ACTN2: variants seen among roughly 807,000 people sequenced by gnomAD.
The protein encoded by ACTN2 is alpha-actinin-2.
A neutral mutation model predicts 113.8 loss-of-function variants in ACTN2; 39 were observed. That is an observed-to-expected ratio of 0.34 (90% confidence interval 0.27 to 0.45). The LOEUF (loss-of-function observed/expected upper bound fraction) is 0.45, where lower values mean the gene tolerates loss of function less well. ACTN2 is among the 20% of genes least tolerant of loss of function. The pLI is 1.00. For synonymous variants in ACTN2, 429 were observed against 444.1 expected, an observed-to-expected ratio of 0.97 and a Z score of 0.43; for missense variants, 992 against 1,177.9, an observed-to-expected ratio of 0.84 and a Z score of 2.31.
chr1:236,687,292 G>A (rs1665909185), intron 1 of ACTN2, among the ~76,000 whole-genome samples: 1 of 152,186 alleles, frequency 6.6e-6, no homozygotes, highest in Non-Finnish European at 1.5e-5. Context: ...GAGGGATGTT[G>A]TATGAACACT....
chr1:236,738,940 T>TGG (rs1289133353), intron 9 of ACTN2, among the ~76,000 whole-genome samples: 2 of 152,246 alleles, frequency 1.3e-5, no homozygotes, highest in Non-Finnish European at 2.9e-5. Flanking sequence ...AGTTCTGCCA[T>TGG]GTCAAGTATT....
intron 10 of ACTN2, 27 bp downstream of exon 10, chr1:236,739,559 G>T: frequency 6.2e-7 from 1 of 1,611,332 alleles, no homozygotes; most frequent in South Asian, 1.1e-5. Flanking sequence ...AAGCCCTCCT[G>T]GCGCCACGGG....
Position 236,751,539 on chromosome 1 carries a change from A to G in ACTN2, c.1726A>G (p.Met576Val), listed in dbSNP as rs764719024. ...PEADGERQSI[M>V]AIQNEVEKVI... ...GGCGGACGGAGAGCGGCAGTCCATC[A>G]TGGCCATCCAGAACGAGGTGGAGAA... The change falls in exon 15 of 21, where the codon ATG becomes GTG. Residue 576 changes from methionine (M) to valine (V), a missense_variant. Coordinates refer to ENST00000366578, the MANE Select transcript of ACTN2 (RefSeq NM_001103.4). The G allele has an allele frequency of 7.4e-6, 12 of 1,614,016 alleles. No individual in the cohort carries two copies. Among genetic ancestry groups the G allele is most frequent in the Non-Finnish European group, 1.0e-5 (12 of 1,180,018 alleles).
At chr1:236,719,529 T>A (rs760151627) in intron 3 of ACTN2, among the ~76,000 whole-genome samples, 2 of 152,352 alleles carry the variant, frequency 1.3e-5, no homozygotes, top group African/African-American at 2.4e-5. Flanking sequence ...CAGTGGCTCA[T>A]GCTCATCCCA....
At chr1:236,745,331 G>A (rs941353739) in intron 12 of ACTN2, among the ~76,000 whole-genome samples, 54 of 152,208 alleles carry the variant, frequency 3.5e-4, no homozygotes, top group African/African-American at 1.3e-3. Context: ...CTGCTCGGGA[G>A]GCTGAGGCAG....
chr1:236,734,782 C>G (rs1170508137), intron 7 of ACTN2, among the ~76,000 whole-genome samples: 2 of 152,180 alleles, frequency 1.3e-5, no homozygotes, highest in African/African-American at 2.4e-5. Context: ...CTCTGCAAAC[C>G]CAATGACTAG....
chr1:236,710,773 T>C (rs562640535), intron 1 of ACTN2, among the ~76,000 whole-genome samples: 6 of 152,290 alleles, frequency 3.9e-5, no homozygotes, highest in African/African-American at 1.4e-4. Context: ...CAGATTCTCA[T>C]AGGAGTGCAA....
intron 15 of ACTN2, among the ~76,000 whole-genome samples, chr1:236,753,619 A>C (rs1394623176): frequency 6.6e-6 from 1 of 152,124 alleles, no homozygotes; most frequent in Non-Finnish European, 1.5e-5. Flanking sequence ...GCCCTGACTT[A>C]GTTGTGCAGC....
chr1:236,694,786 C>G (rs551148661), intron 1 of ACTN2, among the ~76,000 whole-genome samples: 18 of 152,026 alleles, frequency 1.2e-4, no homozygotes, highest in Admixed American at 3.3e-4. Flanking sequence ...CTGTCGAGGC[C>G]GGGTGTGGTG....
chr1:236,743,090 G>C (rs1357988480), intron 11 of ACTN2, 47 bp downstream of exon 11: 1 of 1,609,046 alleles, frequency 6.2e-7, no homozygotes, highest in South Asian at 1.1e-5. Flanking sequence ...CCAGAGTTGA[G>C]CCATGCCCAG....
At chr1:236,695,963 T>G (rs556900553) in intron 1 of ACTN2, among the ~76,000 whole-genome samples, 7 of 152,334 alleles carry the variant, frequency 4.6e-5, no homozygotes, top group Admixed American at 1.3e-4. Flanking sequence ...AGAAAAGACC[T>G]ATATTTTATT....
At chr1:236,760,227 C>A (rs1226279524) in intron 19 of ACTN2, among the ~76,000 whole-genome samples, 1 of 149,554 alleles carries the variant, frequency 6.7e-6, no homozygotes, top group Non-Finnish European at 1.5e-5. Flanking sequence ...GCCTAGATGA[C>A]AAGAGTGAAA....
In ACTN2 at chr1:236,744,755, C is replaced by T; in HGVS notation, c.1385C>T (p.Ala462Val). The T allele has an allele frequency of 6.2e-7, 1 of 1,614,144 alleles. No homozygotes were observed. Among genetic ancestry groups the T allele is most frequent in the Non-Finnish European group, 8.5e-7 (1 of 1,180,008 alleles). ...AAHQDRVEQI[A>V]AIAQELNELD... is the part of the protein sequence containing the mutation. ...CACCAGGACCGCGTGGAGCAGATCG[C>T]AGCCATCGCGCAGGAGCTCAAGTAT... The change falls in exon 12 of 21, where the codon GCA (alanine) becomes GTA (valine). Residue 462 changes from alanine (A) to valine (V), a missense_variant. Around this residue, in one of 3 missense-constraint regions of ACTN2, gnomAD observed 736 missense variants for 815.4 expected, o/e 0.90. Transcript: ENST00000366578.
chr1:236,715,234 G>T (rs1658150661), intron 1 of ACTN2, among the ~76,000 whole-genome samples: 2 of 150,198 alleles, frequency 1.3e-5, no homozygotes, highest in Middle Eastern at 3.4e-3. Flanking sequence ...GTATACATGT[G>T]CCATGTTGGT....
At chr1:236,750,955 G>A (rs1311241200) in intron 14 of ACTN2, among the ~76,000 whole-genome samples, 1 of 151,886 alleles carries the variant, frequency 6.6e-6, no homozygotes, top group Non-Finnish European at 1.5e-5. Context: ...CAGGCATCAT[G>A]ATGTATGCCC....
chr1:236,695,598 C>T (rs907888151), intron 1 of ACTN2, among the ~76,000 whole-genome samples: 9 of 133,368 alleles, frequency 6.7e-5, no homozygotes, highest in Non-Finnish European at 1.4e-4. Context: ...CCTTCACCCA[C>T]TTAATAAAGA....
intron 17 of ACTN2, 129 bp from the exon 18 acceptor site, chr1:236,757,357 T>C: frequency 8.4e-7 from 1 of 1,196,680 alleles, no homozygotes; most frequent in Non-Finnish European, 1.2e-6. Flanking sequence ...TTTTTTCAAG[T>C]GTGGGGAAGG....
intron 5 of ACTN2, among the ~76,000 whole-genome samples, chr1:236,726,476 A>G (rs1658553572): frequency 6.6e-6 from 1 of 152,188 alleles, no homozygotes; most frequent in Non-Finnish European, 1.5e-5. Context: ...AAAGATGGAG[A>G]AAAATTATGT....
chr1:236,747,559 C>T (rs544828526), intron 12 of ACTN2, 108 bp from the exon 13 acceptor site: 28 of 948,180 alleles, frequency 3.0e-5, no homozygotes, highest in Non-Finnish European at 4.5e-5. Context: ...GGATACATTT[C>T]AGATGTTTTT....
Sources: allele counts gnomAD v4.1 joint callset (sites outside exome capture counted in the v4.1 genomes callset), GRCh38; gene constraint gnomAD v4.1.1; regional missense constraint gnomAD v4.1.1; transcripts MANE v1.5; gene names NCBI Gene and HGNC (gene_info 2026-07-23, HGNC 2026-07-21).